Variants in PYGB observed in about 807,000 individuals in gnomAD.
PYGB encodes glycogen phosphorylase, brain form.
Under a neutral mutation model 94.3 loss-of-function variants are expected in PYGB, and 82 were observed. The observed-to-expected ratio is 0.87, with a 90% CI of 0.73 to 1.04. The LOEUF (loss-of-function observed/expected upper bound fraction) is 1.04, where lower values mean the gene tolerates loss of function less well. PYGB is among the 50% of genes least tolerant of loss of function. PYGB has a pLI of 0.00. For synonymous variants in PYGB, 488 were observed against 479.1 expected (o/e 1.02, Z -0.24); for missense variants, 1,132 against 1,158.2 (o/e 0.98, Z 0.33).
chr20:25,295,075 G>T, intron 18 of PYGB: 1 of 1,583,312 alleles, frequency 6.3e-7, no homozygotes, highest in Non-Finnish European at 8.7e-7. Flanking sequence ...TCTGCATTTC[G>T]TGAAGTGTGC....
rs1196885508 is a variant in PYGB, at chr20:25,274,594, A to G, written c.531A>G (p.Val177=). ...CCTCACAGCTGGCTTCTTTCCAGGTAGAGGAGGCCGATGACTGGCTGCGCT... is the reference window on the plus strand; with the variant it reads ...CCTCACAGCTGGCTTCTTTCCAGGTGGAGGAGGCCGATGACTGGCTGCGCT... ...FNQKIVNGWQ[V]EEADDWLRYG... The change falls in exon 5 of 20, where the codon GTA becomes GTG. Residue 177 remains valine, a splice_region_variant and synonymous_variant. Coordinates refer to ENST00000216962, the MANE Select transcript of PYGB (RefSeq NM_002862.4). 1.2e-6 allele frequency: 2 copies of G among 1,612,930 alleles called. No individual in the cohort carries two copies. Among genetic ancestry groups the G allele is most frequent in the Middle Eastern group, 1.7e-4 (1 of 6,054 alleles).
chr20:25,271,617 G>C (rs1025211908), intron 4 of PYGB, 131 bp downstream of exon 4: 5 of 972,604 alleles, frequency 5.1e-6, no homozygotes, highest in Non-Finnish European at 8.0e-6. Context: ...GGGCAATGTG[G>C]AGCAGGTCAG....
At chr20:25,290,398 C>T (rs2088455664) in intron 15 of PYGB, 83 bp from the exon 16 acceptor site, 1 of 1,535,364 alleles carries the variant, frequency 6.5e-7, no homozygotes, top group Non-Finnish European at 8.9e-7. Context: ...CCTCACCCCC[C>T]TACAGACCCC....
chr20:25,272,977 T>G (rs2088280315), intron 4 of PYGB, among the ~76,000 whole-genome samples: 1 of 152,244 alleles, frequency 6.6e-6, no homozygotes, highest in Admixed American at 6.5e-5. Context: ...CTGTAACTCT[T>G]GCAACTTTGT....
At chr20:25,276,850 C>G (rs755769840) in intron 6 of PYGB, 93 bp downstream of exon 6, 34 of 1,250,358 alleles carry the variant, frequency 2.7e-5, no homozygotes, top group Non-Finnish European at 3.2e-5. Flanking sequence ...CTGTGGCTCA[C>G]TGTCCTGGAG....
Position 25,280,424 on chromosome 20 carries a change from C to T in PYGB, c.1239+12C>T. 1.2e-6 allele frequency: 2 copies of T among 1,613,494 alleles called. No individual in the cohort carries two copies. Among genetic ancestry groups the T allele is most frequent in the Non-Finnish European group, 1.7e-6 (2 of 1,179,682 alleles). ...AGCGGCACCTGGACGTGAGTGTGGG[C>T]CCAGCTGGCCGTGTAGGGTGGCGGC... On this transcript the variant is annotated intron_variant, in intron 10 of 19. Transcript: ENST00000216962.
At chr20:25,273,255 A>G (rs2088282424) in intron 4 of PYGB, among the ~76,000 whole-genome samples, 2 of 152,088 alleles carry the variant, frequency 1.3e-5, no homozygotes. Flanking sequence ...TCCTGGACTA[A>G]CTCTGCAGAT....
rs2092876753 is a variant in PYGB, at chr20:25,248,330, A to ATTCTT, written c.152_153insTTCTT (p.Tyr52SerfsTer52). The ATTCTT allele has an allele frequency of 6.2e-7, 1 of 1,603,902 alleles. No individual in the cohort carries two copies. Among genetic ancestry groups the ATTCTT allele is most frequent in the African/African-American group, 1.4e-5 (1 of 74,002 alleles). On this transcript the variant is annotated frameshift_variant, in exon 1 of 20. Coordinates refer to ENST00000216962, the MANE Select transcript of PYGB (RefSeq NM_002862.4). LOFTEE classifies it high-confidence loss of function. ...GACCGCAATGTGGCCACGCCCCGCG[A>ATTCTT]CTACTTCTTCGCGCTGGCGCACACG...
chr20:25,267,170 G>A (rs2088225590), intron 2 of PYGB, among the ~76,000 whole-genome samples: 1 of 152,158 alleles, frequency 6.6e-6, no homozygotes, highest in African/African-American at 2.4e-5. Context: ...AGACGGGAAG[G>A]GCTGACACAT....
At chr20:25,291,811 G>T (rs946354513) in intron 16 of PYGB, among the ~76,000 whole-genome samples, 1 of 152,162 alleles carries the variant, frequency 6.6e-6, no homozygotes, top group Non-Finnish European at 1.5e-5. Context: ...TGGCTGACTG[G>T]GCTGCAGCCT....
chr20:25,278,888 C>A (rs1468378365), intron 8 of PYGB, among the ~76,000 whole-genome samples, 169 bp from the exon 9 acceptor site: 1 of 152,056 alleles, frequency 6.6e-6, no homozygotes, highest in Non-Finnish European at 1.5e-5. Flanking sequence ...ACAGTGCGAG[C>A]CCGACTGTCC....
chr20:25,296,103 C>T (rs550334872), intron 19 of PYGB, among the ~76,000 whole-genome samples: 73 of 152,122 alleles, frequency 4.8e-4, no homozygotes, highest in Non-Finnish European at 1.0e-3. Context: ...TCCCTATCGT[C>T]GTCCTGGGGG....
At chr20:25,249,156 C>T (rs977754492) in intron 1 of PYGB, among the ~76,000 whole-genome samples, 1 of 152,246 alleles carries the variant, frequency 6.6e-6, no homozygotes, top group Non-Finnish European at 1.5e-5. Flanking sequence ...ACCATGTTTA[C>T]TATGGGCCTG....
At chr20:25,280,923 C>A (rs2088360545) in intron 10 of PYGB, 26 bp from the exon 11 acceptor site, 1 of 1,610,952 alleles carries the variant, frequency 6.2e-7, no homozygotes, top group African/African-American at 1.3e-5. Context: ...TGTGCCCACC[C>A]ACCTGCCTCT....
chr20:25,263,245 A>G (rs2092917573), intron 2 of PYGB, among the ~76,000 whole-genome samples: 1 of 152,252 alleles, frequency 6.6e-6, no homozygotes, highest in African/African-American at 2.4e-5. Context: ...ATGTAAAAGA[A>G]CAGAAATTAT....
chr20:25,280,212 CAG>C, intron 9 of PYGB, 52 bp from the exon 10 acceptor site: 2 of 1,593,858 alleles, frequency 1.3e-6, no homozygotes, highest in Non-Finnish European at 1.7e-6. Flanking sequence ...GGCAACTGGC[CAG>C]AGAGCTGCTT....
intron 11 of PYGB, 53 bp from the exon 12 acceptor site, chr20:25,281,980 A>T: frequency 1.4e-6 from 2 of 1,471,392 alleles, no homozygotes; most frequent in Non-Finnish European, 1.9e-6. Flanking sequence ...TCTGTTGCTC[A>T]CCTGGTGCAG....
intron 16 of PYGB, among the ~76,000 whole-genome samples, chr20:25,291,427 G>A (rs369289938): frequency 2.6e-5 from 4 of 152,262 alleles, no homozygotes; most frequent in East Asian, 3.9e-4. Context: ...CCAGGCTGCC[G>A]CAGGTGAGAG....
chr20:25,268,735 G>A (rs923204378), intron 2 of PYGB, among the ~76,000 whole-genome samples: 2 of 152,122 alleles, frequency 1.3e-5, no homozygotes, highest in Non-Finnish European at 2.9e-5. Flanking sequence ...CTAATTTTTA[G>A]CATAACGTAT....
Sources: gnomAD v4.1 joint callset for allele counts (sites outside exome capture counted in the v4.1 genomes callset) on GRCh38, gnomAD v4.1.1 for gene constraint, MANE v1.5 for transcripts, NCBI Gene and HGNC (gene_info 2026-07-23, HGNC 2026-07-21) for gene names.